The following PRDM4 variants were observed in gnomAD, a reference collection of about 807,000 sequenced individuals.
The protein encoded by PRDM4 is PR/SET domain 4, also known as PR domain zinc finger protein 4.
In PRDM4, 38 loss-of-function variants were observed where a neutral mutation model predicts 62.3. The ratio of observed to expected loss-of-function variants is 0.61; its 90% CI spans 0.47 to 0.80. The LOEUF (loss-of-function observed/expected upper bound fraction) is 0.80. Among genes scored for constraint, PRDM4 ranks in the 30% least tolerant of loss-of-function variants. The probability of loss-of-function intolerance (pLI) is 0.00; values close to 1 mark genes in which losing one functional copy is unlikely to be tolerated. For missense variants in PRDM4, 858 were observed against 997.1 expected, an observed-to-expected ratio of 0.86 and a Z score of 1.88; for synonymous variants, 339 against 348.2, an observed-to-expected ratio of 0.97 and a Z score of 0.30.
At position 107,751,699 on chromosome 12, in the gene PRDM4, G is replaced by A; in HGVS notation, c.842C>T (p.Ser281Phe). The A allele has an allele frequency of 2.5e-6, 4 of 1,614,182 alleles. No individual in the cohort carries two copies. The highest frequency in any genetic ancestry group is 3.4e-6 in the Non-Finnish European group (4 of 1,180,042). ...DHIASRVNGMSDSALSDSIHT... is the reference protein window; with the variant it reads ...DHIASRVNGMFDSALSDSIHT... ...AATGGAGTCACTGAGGGCACTGTCA[G>A]ACATGCCATTGACCCGACTTGCAAT... The change falls in exon 5 of 12, where the codon TCT becomes TTT. Residue 281 changes from serine to phenylalanine, a missense_variant. Around this residue, in one of 3 missense-constraint regions of PRDM4, gnomAD observed 499 missense variants for 546.7 expected, o/e 0.91. Coordinates refer to ENST00000228437, the MANE Select transcript of PRDM4 (RefSeq NM_012406.4).
chr12:107,746,115 C>T (rs944484636), intron 6 of PRDM4, among the ~76,000 whole-genome samples, 160 bp downstream of exon 6: 1 of 152,188 alleles, frequency 6.6e-6, no homozygotes, highest in Non-Finnish European at 1.5e-5. Context: ...TTATTGCTAT[C>T]ATCAGTGGAC....
chr12:107,734,354 C>A lies in PRDM4; in HGVS notation c.2262G>T (p.Gly754=). Residue 754 remains glycine, a synonymous_variant, in exon 12 of 12, where the codon GGG becomes GGT. Transcript: ENST00000228437. ...CTGGTGCTGACGAACTGGAGGTGGG[C>A]CCTTTGCAGGTTTTCAGGTGGCGGG... ...HLTRHLKTCK[G]PTSSSSAPEE... 6.2e-7 allele frequency: 1 copy of A among 1,614,168 alleles called. No individual in the cohort carries two copies. The highest frequency in any genetic ancestry group is 1.1e-5 in the South Asian group (1 of 91,086).
chr12:107,734,835 T>G (rs1301259967), intron 11 of PRDM4, among the ~76,000 whole-genome samples: 1 of 152,200 alleles, frequency 6.6e-6, no homozygotes, highest in African/African-American at 2.4e-5. Flanking sequence ...AGTTGTTTGT[T>G]CCCTTCCACT....
In PRDM4 at chr12:107,739,508, G is replaced by A. The variant is rs567258642; in HGVS notation, c.1968C>T (p.Thr656=). ...TGTGGGACTCCAGGTGAGCCTTCTG[G>A]GTGAAAGACTTGTCACACAAGGTAC... ...YRCTLCDKSF[T]QKAHLESHMV... The change falls in exon 11 of 12, where the codon ACC becomes ACT. Residue 656 remains threonine (T), a synonymous_variant. Transcript: ENST00000228437. 20 of 1,613,944 alleles carry A rather than the reference G, an allele frequency of 1.2e-5. No homozygotes were observed. Among genetic ancestry groups the A allele is most frequent in the South Asian group, 5.5e-5 (5 of 91,068 alleles).
intron 4 of PRDM4, among the ~76,000 whole-genome samples, chr12:107,753,451 C>G (rs1263975848): frequency 2.0e-5 from 3 of 151,382 alleles, no homozygotes; most frequent in African/African-American, 7.3e-5. Flanking sequence ...TGGTAAAAAC[C>G]TATACACCAA....
chr12:107,755,905 T>G (rs535779066), intron 3 of PRDM4, among the ~76,000 whole-genome samples: 1 of 152,146 alleles, frequency 6.6e-6, no homozygotes, highest in African/African-American at 2.4e-5. Flanking sequence ...GCTAATATGG[T>G]GAAACCCCGT....
intron 2 of PRDM4, chr12:107,759,773 T>G (rs758781915): frequency 6.6e-6 from 1 of 152,208 alleles, no homozygotes; most frequent in Admixed American, 6.5e-5. Context: ...TCCTATGAGA[T>G]TCTAAGAAGC....
chr12:107,754,089 T>G lies in PRDM4; in HGVS notation c.166A>C (p.Asn56His), dbSNP rs753226073. ...AGAGAGCTCAGGGAGGGACCCAGGT[T>G]TGGAATTGCCACTGGGAGGCCTACA... Reference protein sequence around the residue: ...PAPGLPVAIPNLGPSLSSLPS... With the variant: ...PAPGLPVAIPHLGPSLSSLPS... Residue 56 changes from asparagine to histidine, a missense_variant, in exon 4 of 12, where the codon AAC (asparagine) becomes CAC (histidine). Transcript: ENST00000228437. 2 of 1,602,638 alleles carry G rather than the reference T, an allele frequency of 1.2e-6. No individual in the cohort carries two copies. The highest frequency in any genetic ancestry group is 4.5e-5 in the East Asian group (2 of 44,750).
rs1356752090 is a variant in PRDM4 at position 107,760,625 on chromosome 12, C to G, written c.-110G>C. The G allele has an allele frequency of 1.4e-5, 19 of 1,380,648 alleles. No homozygotes were observed. Among genetic ancestry groups the G allele is most frequent in the Non-Finnish European group, 1.8e-5 (18 of 1,012,268 alleles). 85.5% of individuals were successfully genotyped at this position (1,380,648 alleles called of 1,614,324 possible). A position where few individuals can be genotyped will look rare whatever the true frequency, so the allele number is the denominator to read the frequency against. The stretch of plus-strand genomic sequence containing the variant: ...CCACATCTTGCTCACAACCGCTGCA[C>G]CGACGCGGCCACTCGTCCCCGGGGT... On this transcript the variant is annotated 5_prime_UTR_variant, in exon 2 of 12. Transcript: ENST00000228437.
chr12:107,760,586 A>C lies in PRDM4; in HGVS notation c.-71T>G. 1 of 1,583,392 alleles carries C rather than the reference A, an allele frequency of 6.3e-7. No individual in the cohort carries two copies. The highest frequency in any genetic ancestry group is 1.7e-4 in the Middle Eastern group (1 of 5,992). On this transcript the variant is annotated 5_prime_UTR_variant, in exon 2 of 12. Transcript: ENST00000228437. ...GAACAGGCATCAGGGTTTGCGTTCC[A>C]GGGTCACGTGCTACCACATCTTGCT... is the stretch of plus-strand genomic sequence containing the variant.
intron 5 of PRDM4, among the ~76,000 whole-genome samples, chr12:107,750,634 T>C (rs1356952696): frequency 6.6e-6 from 1 of 152,194 alleles, no homozygotes; most frequent in Non-Finnish European, 1.5e-5. Context: ...TTTGTTGTTG[T>C]TGCCCAATAA....
chr12:107,751,547 T>C lies in PRDM4; in HGVS notation c.994A>G (p.Ile332Val). Residue 332 changes from isoleucine (I) to valine (V), a missense_variant, in exon 5 of 12, where the codon ATC (isoleucine) becomes GTC (valine). Ile to Val is a conservative substitution (Grantham distance 29). Coordinates refer to ENST00000228437, the MANE Select transcript of PRDM4 (RefSeq NM_012406.4). ...GTCCCCATAGCAACCTCCTGGGTGATGGAGGAGACAGCCACAGGTTCTAGG... is the reference window on the plus strand; with the variant it reads ...GTCCCCATAGCAACCTCCTGGGTGACGGAGGAGACAGCCACAGGTTCTAGG... Reference protein sequence around the residue: ...LSLEPVAVSSITQEVAMGTGH... With the variant: ...LSLEPVAVSSVTQEVAMGTGH... 1.9e-6 allele frequency: 3 copies of C among 1,612,042 alleles called. No individual in the cohort carries two copies. Among genetic ancestry groups the C allele is most frequent in the East Asian group, 2.2e-5 (1 of 44,852 alleles).
In PRDM4 at chr12:107,753,958, G is replaced by A. The variant is rs752036441; in HGVS notation, c.297C>T (p.His99=). 31 of 1,613,908 alleles carry A rather than the reference G, an allele frequency of 1.9e-5. No homozygotes were observed. In the East Asian group the frequency reaches 6.9e-4, roughly 36 times the overall value. ...NYTLPPPPYP[H]LESSYFRTIL... is the part of the protein sequence containing the mutation. The stretch of plus-strand genomic sequence containing the variant: ...TGGTTCTGAAATAACTGCTCTCCAG[G>A]TGAGGGTAAGGTGGTGGAGGTAGGG... Residue 99 remains histidine (H), a synonymous_variant, in exon 4 of 12, where the codon CAC becomes CAT. Transcript: ENST00000228437.
At chr12:107,739,931 T>C (rs1238239122) in intron 10 of PRDM4, among the ~76,000 whole-genome samples, 2 of 150,442 alleles carry the variant, frequency 1.3e-5, no homozygotes, top group Middle Eastern at 3.5e-3. Flanking sequence ...TTTTACAAGA[T>C]AGATTTTATA....
chr12:107,734,482 A>G lies in PRDM4; in HGVS notation c.2134T>C (p.Leu712=). Residue 712 remains leucine, a synonymous_variant, in exon 12 of 12, where the codon TTG becomes CTG. Transcript: ENST00000228437. ...TGCTTCTTTAAGTGATTTGTTCTCA[A>G]GAACAGCTTATCACACTTGGGACAC... ...IKCPKCDKLF[L]RTNHLKKHLN... The G allele has an allele frequency of 6.2e-7, 1 of 1,614,200 alleles. No homozygotes were observed. The highest frequency in any genetic ancestry group is 8.5e-7 in the Non-Finnish European group (1 of 1,179,998).
rs777840488 is a variant in PRDM4, at chr12:107,744,576, T to C, written c.1362A>G (p.Glu454=). The change falls in exon 7 of 12, where the codon GAA becomes GAG. Residue 454 remains glutamate (E), a synonymous_variant. Coordinates refer to ENST00000228437, the MANE Select transcript of PRDM4 (RefSeq NM_012406.4). The part of the protein sequence containing the change: ...GQQSHSMEVA[E]WTDKAVNHIW... ...TATGGTTAACTGCCTTGTCTGTCCA[T>C]TCTGCTACTTCCATGGAGTGACTCT... 5.0e-6 allele frequency: 8 copies of C among 1,613,670 alleles called. No homozygotes were observed. Among genetic ancestry groups the C allele is most frequent in the African/African-American group, 4.0e-5 (3 of 74,924 alleles).
intron 5 of PRDM4, among the ~76,000 whole-genome samples, chr12:107,749,863 C>T (rs909981400): frequency 6.6e-6 from 1 of 152,186 alleles, no homozygotes; most frequent in African/African-American, 2.4e-5. Flanking sequence ...TCTCCTCTCA[C>T]CACATGACCC....
At chr12:107,739,698 G>T in intron 10 of PRDM4, 147 bp from the exon 11 acceptor site, 1 of 687,796 alleles carries the variant, frequency 1.5e-6, no homozygotes, top group Non-Finnish European at 2.3e-6. Context: ...GGTTGTCTAT[G>T]TGAGACCACT....
chr12:107,743,244 T>C lies in PRDM4; in HGVS notation c.1434A>G (p.Thr478=). The C allele has an allele frequency of 6.2e-7, 1 of 1,613,646 alleles. No homozygotes were observed. Among genetic ancestry groups the C allele is most frequent in the African/African-American group, 1.3e-5 (1 of 75,064 alleles). ...TCCAATTACATTCATTTTCATCAGT[T>C]GTAATGATGCAGAATTCTAGGACAC... ...HNGVLEFCII[T]TDENECNWMM... is the part of the protein sequence containing the mutation. The change falls in exon 8 of 12, where the codon ACA becomes ACG. Residue 478 remains threonine, a synonymous_variant. Coordinates refer to ENST00000228437, the MANE Select transcript of PRDM4 (RefSeq NM_012406.4).
Sources: gnomAD v4.1 joint callset for allele counts (sites outside exome capture counted in the v4.1 genomes callset) on GRCh38, gnomAD v4.1.1 for gene constraint, gnomAD v4.1.1 regional missense constraint, MANE v1.5 for transcripts, NCBI Gene and HGNC (gene_info 2026-07-23, HGNC 2026-07-21) for gene names.